Variants in CHRNA3 observed in about 807,000 individuals in gnomAD.
CHRNA3 encodes the protein cholinergic receptor nicotinic alpha 3 subunit.
CHRNA3 carries 34 observed loss-of-function variants against 41.9 expected under a neutral mutation model. That is an observed-to-expected ratio of 0.81 (90% CI 0.62 to 1.08). The LOEUF (loss-of-function observed/expected upper bound fraction) is 1.08. Ranked by LOEUF, CHRNA3 falls within the 50% of genes least tolerant of loss-of-function variation. CHRNA3 has a pLI of 0.00. For missense variants in CHRNA3, 542 were observed against 638.3 expected, an observed-to-expected ratio of 0.85 and a Z score of 1.63; for synonymous variants, 281 against 265.2, an observed-to-expected ratio of 1.06 and a Z score of -0.58.
At chr15:78,611,241 T>C (rs1215987810) in intron 4 of CHRNA3, among the ~76,000 whole-genome samples, 1 of 152,222 alleles carries the variant, frequency 6.6e-6, no homozygotes, top group Non-Finnish European at 1.5e-5. Flanking sequence ...ATCCTCCTGA[T>C]ACCAAAGCTG....
chr15:78,609,168 A>G (rs1385532244), intron 4 of CHRNA3, among the ~76,000 whole-genome samples: 5 of 152,212 alleles, frequency 3.3e-5, no homozygotes, highest in Non-Finnish European at 7.3e-5. Context: ...GATATTATCC[A>G]GGAGAACTTC....
In CHRNA3 at chr15:78,601,312, CTTCT is replaced by C. The variant is rs777970702; in HGVS notation, c.1326_1329del (p.Glu443ProfsTer12). ...GCAATATACTTGACACTTTGGATGGCTTCTTTGATTTCTGGTGACAAAGCAGAGA... is the reference window on the plus strand; with the variant it reads ...GCAATATACTTGACACTTTGGATGGCTTGATTTCTGGTGACAAAGCAGAGA... On this transcript the variant is annotated frameshift_variant, in exon 5 of 6. Coordinates refer to ENST00000326828, the MANE Select transcript of CHRNA3 (RefSeq NM_000743.5). LOFTEE classifies it high-confidence loss of function. 2 of 1,614,086 alleles carry C rather than the reference CTTCT, an allele frequency of 1.2e-6. No homozygotes were observed. Among genetic ancestry groups the C allele is most frequent in the Non-Finnish European group, 1.7e-6 (2 of 1,180,042 alleles).
chr15:78,606,333 C>CAAAA (rs56305942), intron 4 of CHRNA3, among the ~76,000 whole-genome samples: 50 of 127,394 alleles, frequency 3.9e-4, no homozygotes, highest in Non-Finnish European at 5.5e-4. Context: ...GAAGATGTCT[C>CAAAA]AAAAAAAAAA....
At chr15:78,614,327 C>T (rs1290477796) in intron 4 of CHRNA3, among the ~76,000 whole-genome samples, 2 of 152,198 alleles carry the variant, frequency 1.3e-5, no homozygotes, top group Non-Finnish European at 2.9e-5. Context: ...CCATGTGATT[C>T]CTACGACAAT....
rs569776238 is a variant in CHRNA3 at position 78,608,625 on chromosome 15, T to TG, written c.378-6362dup. ...CCAAAAGTAGATAAAACCACAAAGA[T>TG]GGGGAAAAAACAGAGCAGAAAAACT... On this transcript the variant is annotated intron_variant, in intron 4 of 5. Transcript: ENST00000326828. Among the ~76,000 whole-genome samples the TG allele has an allele frequency of 3.6e-3, 547 of 151,910 alleles. 4 individuals are homozygous for TG. Among genetic ancestry groups the TG allele is most frequent in the African/African-American group, 0.012 (504 of 41,378 alleles).
rs2053541912 is a variant in CHRNA3 at position 78,620,920 on chromosome 15, C to G, written c.-126G>C. 9.6e-6 allele frequency: 11 copies of G among 1,151,416 alleles called. No homozygotes were observed. Among genetic ancestry groups the G allele is most frequent in the Non-Finnish European group, 1.1e-5 (10 of 924,248 alleles). 71.3% of individuals were successfully genotyped at this position (1,151,416 alleles called of 1,614,324 possible). A position where few individuals can be genotyped will look rare whatever the true frequency, so the allele number is the denominator to read the frequency against. On this transcript the variant is annotated 5_prime_UTR_variant, in exon 1 of 6. Coordinates refer to ENST00000326828, the MANE Select transcript of CHRNA3 (RefSeq NM_000743.5). ...CTGGAGCCGTGCGGGCGGAGACGCG[C>G]GGGGCTCCTCTCCGCTTCGCCGCCG... is the stretch of plus-strand genomic sequence containing the variant.
intron 4 of CHRNA3, among the ~76,000 whole-genome samples, 197 bp from the exon 5 acceptor site, chr15:78,602,461 C>A (rs1175877483): frequency 3.8e-4 from 58 of 152,190 alleles, no homozygotes; most frequent in South Asian, 4.1e-4. Context: ...CCCTCCCCAA[C>A]AACAATCTGA....
chr15:78,609,095 C>T lies in CHRNA3; in HGVS notation c.378-6831G>A, dbSNP rs536228201. ...GGACTATGTGAAAAGACCAAATCTA[C>T]ATCTGATTGGTGTACCTGAAAGTGA... On this transcript the variant is annotated intron_variant, in intron 4 of 5. Transcript: ENST00000326828. Among the ~76,000 whole-genome samples the T allele has an allele frequency of 3.7e-4, 56 of 152,296 alleles. No homozygotes were observed. In the East Asian group the frequency reaches 9.2e-3, roughly 25 times the overall value.
At chr15:78,617,390 A>C (rs2053479992) in intron 3 of CHRNA3, among the ~76,000 whole-genome samples, 1 of 152,048 alleles carries the variant, frequency 6.6e-6, no homozygotes, top group Non-Finnish European at 1.5e-5. Context: ...CCCCTCATCA[A>C]CCAAACAGGG....
rs115356703 is a variant in CHRNA3, at chr15:78,602,368, A to G, written c.378-104T>C. On this transcript the variant is annotated intron_variant, in intron 4 of 5. Transcript: ENST00000326828. ...CACAGTAAGTAATGATTTGGAAGGC[A>G]CTGGAAGATGAGAGCTAAAGTGCCA... 1.2e-3 allele frequency: 1,588 copies of G among 1,283,374 alleles called. 28 individuals carry two copies. The African/African-American group carries it at 0.021, about 17-fold the overall frequency. 79.5% of individuals were successfully genotyped at this position (1,283,374 alleles called of 1,614,324 possible).
rs765172363 is a variant in CHRNA3, at chr15:78,618,845, C to G, written c.153G>C (p.Arg51=). 1 of 1,614,108 alleles carries G rather than the reference C, an allele frequency of 6.2e-7. No individual in the cohort carries two copies. Among genetic ancestry groups the G allele is most frequent in the Admixed American group, 1.7e-5 (1 of 60,028 alleles). ...RLFEDYNEII[R]PVANVSDPVI... is the part of the protein sequence containing the mutation. ...CTGGGTCAGACACGTTGGCTACAGG[C>G]CGGATGATCTCATTGTAATCTTCAA... The change falls in exon 2 of 6, where the codon CGG becomes CGC. Residue 51 remains arginine, a synonymous_variant. Coordinates refer to ENST00000326828, the MANE Select transcript of CHRNA3 (RefSeq NM_000743.5).
chr15:78,593,203 A>T (rs746886634), downstream of CHRNA3: 13 of 1,613,648 alleles, frequency 8.1e-6, no homozygotes, highest in Non-Finnish European at 9.3e-6. Flanking sequence ...TGTTATTTAT[A>T]AATGGGCAAA....
At chr15:78,618,963 TC>T in intron 1 of CHRNA3, 48 bp from the exon 2 acceptor site, 1 of 1,599,216 alleles carries the variant, frequency 6.3e-7, no homozygotes. Context: ...TTACTTAACC[TC>T]CCCCACCCAG....
chr15:78,614,203 A>C (rs2053428330), intron 4 of CHRNA3, among the ~76,000 whole-genome samples: 1 of 152,222 alleles, frequency 6.6e-6, no homozygotes. Context: ...GATTGCCAGC[A>C]AGGAAATGGC....
intron 4 of CHRNA3, among the ~76,000 whole-genome samples, chr15:78,609,388 T>A (rs1183661778): frequency 1.3e-5 from 2 of 152,082 alleles, no homozygotes; most frequent in East Asian, 1.9e-4. Context: ...TCTCGGCAGA[T>A]ACTCTACAAG....
intron 1 of CHRNA3, chr15:78,620,394 C>CGGGGCAGGGCGACGGGCAGCGT: frequency 5.6e-6 from 2 of 356,462 alleles, no homozygotes; most frequent in Non-Finnish European, 1.0e-5. Context: ...ACGGGCAGCG[C>CGGGGCAGGGCGACGGGCAGCGT]GGGGACGCGA....
At chr15:78,599,624 A>C (rs1044745149) in intron 5 of CHRNA3, among the ~76,000 whole-genome samples, 8 of 150,694 alleles carry the variant, frequency 5.3e-5, no homozygotes, top group African/African-American at 2.0e-4. Context: ...TGACTGGTGG[A>C]GCCTGAGGCT....
chr15:78,620,731 G>GA lies in CHRNA3; in HGVS notation c.63_64insT (p.Leu22SerfsTer14). 1 of 1,000,540 alleles carries GA rather than the reference G, an allele frequency of 1.0e-6. No individual in the cohort carries two copies. Among genetic ancestry groups the GA allele is most frequent in the Non-Finnish European group, 1.3e-6 (1 of 757,394 alleles). The allele number at this position is 1,000,540 out of a possible 1,614,324, so 62.0% of individuals were successfully genotyped here. A position where few individuals can be genotyped will look rare whatever the true frequency, so the allele number is the denominator to read the frequency against. On this transcript the variant is annotated frameshift_variant, in exon 1 of 6. Transcript: ENST00000326828. LOFTEE classifies it high-confidence loss of function. Reference sequence around the variant, plus strand: ...CGCGTACCTGGCAGCAGAGACAGCAGCAGCAGCAGCAGCAGCCGCGGCGGC... The same window carrying GA: ...CGCGTACCTGGCAGCAGAGACAGCAGACAGCAGCAGCAGCAGCCGCGGCGGC...
In CHRNA3 at chr15:78,596,273, A is replaced by T; in HGVS notation, c.*331T>A. ...AACTGAATGACTTTTCATATTTCTG[A>T]ACAGCATTTTTCTATCCAGTTTTGT... On this transcript the variant is annotated 3_prime_UTR_variant, in exon 6 of 6. Transcript: ENST00000326828. The T allele has an allele frequency of 6.0e-6, 6 of 997,772 alleles. No homozygotes were observed. Among genetic ancestry groups the T allele is most frequent in the Non-Finnish European group, 7.2e-6 (6 of 838,252 alleles). The allele number at this position is 997,772 out of a possible 1,614,324, so 61.8% of individuals were successfully genotyped here.
Sources: gnomAD v4.1 joint callset for allele counts (sites outside exome capture counted in the v4.1 genomes callset) on GRCh38, gnomAD v4.1.1 for gene constraint, MANE v1.5 for transcripts, NCBI Gene and HGNC (gene_info 2026-07-23, HGNC 2026-07-21) for gene names.